The following PLCB1 variants were observed in gnomAD, a reference collection of about 807,000 sequenced individuals.
The protein encoded by PLCB1 is phospholipase C beta 1.
In PLCB1, 46 loss-of-function variants were observed where a neutral mutation model predicts 161.8. The observed-to-expected ratio is 0.28, with a 90% CI of 0.22 to 0.36. The LOEUF (loss-of-function observed/expected upper bound fraction) is 0.36. Among genes scored for constraint, PLCB1 ranks in the 10% least tolerant of loss-of-function variants. The probability of loss-of-function intolerance (pLI) is 1.00; values close to 1 mark genes in which losing one functional copy is unlikely to be tolerated. For missense variants in PLCB1, 1,016 were observed against 1,472.5 expected (o/e 0.69, Z 5.07); for synonymous variants, 517 against 503.7 (o/e 1.03, Z -0.35).
At chr20:8,662,579 CATA>C (rs910403167) in intron 9 of PLCB1, among the ~76,000 whole-genome samples, 3 of 142,588 alleles carry the variant, frequency 2.1e-5, no homozygotes, top group Non-Finnish European at 4.5e-5. Context: ...ATATTATTAA[CATA>C]ATATCTAAAT....
intron 31 of PLCB1, among the ~76,000 whole-genome samples, chr20:8,839,904 G>A (rs986106978): frequency 5.9e-5 from 9 of 151,964 alleles, no homozygotes; most frequent in Non-Finnish European, 4.4e-5. Context: ...GGTGGCACAT[G>A]CCTGTAGTCC....
chr20:8,703,016 AGG>A (rs1459978006), intron 11 of PLCB1, among the ~76,000 whole-genome samples: 3 of 152,132 alleles, frequency 2.0e-5, no homozygotes, highest in Non-Finnish European at 4.4e-5. Flanking sequence ...GGACAGAGAG[AGG>A]AGGGAGAAGG....
At chr20:8,265,273 A>T (rs763406310) in intron 2 of PLCB1, among the ~76,000 whole-genome samples, 4 of 152,152 alleles carry the variant, frequency 2.6e-5, no homozygotes, top group Non-Finnish European at 5.9e-5. Context: ...GAATGCATAT[A>T]AAAAAACACT....
At chr20:8,607,148 C>T (rs117891225) in intron 3 of PLCB1, among the ~76,000 whole-genome samples, 194 of 152,324 alleles carry the variant, frequency 1.3e-3, no homozygotes, top group Admixed American at 2.4e-3. Flanking sequence ...TCCCATTCCT[C>T]AGCCAGGCCT....
chr20:8,191,211 G>A (rs2123108978), intron 2 of PLCB1, among the ~76,000 whole-genome samples: 1 of 151,874 alleles, frequency 6.6e-6, no homozygotes, highest in South Asian at 2.1e-4. Flanking sequence ...TTTGATACGG[G>A]CATACAATGC....
intron 2 of PLCB1, among the ~76,000 whole-genome samples, chr20:8,276,799 G>A (rs1982567180): frequency 6.6e-6 from 1 of 151,866 alleles, no homozygotes; most frequent in African/African-American, 2.4e-5. Flanking sequence ...GTACTGTAAA[G>A]GATTCATATA....
chr20:8,647,816 G>A, intron 5 of PLCB1, 84 bp from the exon 6 acceptor site: 1 of 1,032,698 alleles, frequency 9.7e-7, no homozygotes, highest in Non-Finnish European at 1.5e-6. Context: ...CAAAGGCATG[G>A]GCTTTTTTGA....
intron 31 of PLCB1, among the ~76,000 whole-genome samples, chr20:8,793,915 G>A (rs1381326443): frequency 6.6e-6 from 1 of 152,074 alleles, no homozygotes; most frequent in African/African-American, 2.4e-5. Context: ...ATGCCCGGGG[G>A]GCCAGTTTAG....
chr20:8,369,462 G>A (rs972339350), intron 2 of PLCB1, among the ~76,000 whole-genome samples: 1 of 152,198 alleles, frequency 6.6e-6, no homozygotes, highest in East Asian at 1.9e-4. Flanking sequence ...ACATATGCTT[G>A]ACTTACTCAT....
chr20:8,568,848 C>T (rs183847607), intron 3 of PLCB1, among the ~76,000 whole-genome samples: 1 of 152,216 alleles, frequency 6.6e-6, no homozygotes, highest in East Asian at 1.9e-4. Context: ...TCAACAAGCA[C>T]CAGTACAGCG....
At chr20:8,577,731 GCCA>G (rs1986720362) in intron 3 of PLCB1, among the ~76,000 whole-genome samples, 1 of 152,084 alleles carries the variant, frequency 6.6e-6, no homozygotes, top group Non-Finnish European at 1.5e-5. Flanking sequence ...AATAAACCAT[GCCA>G]GTTCTCTTTT....
intron 11 of PLCB1, among the ~76,000 whole-genome samples, chr20:8,706,124 A>G (rs1978657056): frequency 1.3e-5 from 2 of 152,306 alleles, no homozygotes; most frequent in South Asian, 2.1e-4. Flanking sequence ...TCTGATTGCT[A>G]TTGTTTGGAA....
intron 10 of PLCB1, among the ~76,000 whole-genome samples, chr20:8,695,325 G>C (rs540005777): frequency 5.3e-5 from 8 of 152,304 alleles, no homozygotes; most frequent in African/African-American, 1.4e-4. Context: ...TGTCCTGTGT[G>C]TCTCCACGGG....
At chr20:8,367,592 C>T (rs1986753431) in intron 2 of PLCB1, among the ~76,000 whole-genome samples, 1 of 152,160 alleles carries the variant, frequency 6.6e-6, no homozygotes, top group Admixed American at 6.5e-5. Flanking sequence ...AAGGTCCTCA[C>T]TCAAACCCAA....
chr20:8,739,555 A>G (rs577791569), intron 21 of PLCB1, among the ~76,000 whole-genome samples, 195 bp downstream of exon 21: 2 of 152,356 alleles, frequency 1.3e-5, no homozygotes, highest in African/African-American at 4.8e-5. Context: ...TTCAACAATA[A>G]TTATGTGTAA....
intron 31 of PLCB1, among the ~76,000 whole-genome samples, chr20:8,831,908 CTTTCTCTTTCTT>C (rs1568616934): frequency 7.1e-4 from 51 of 72,036 alleles, no homozygotes; most frequent in African/African-American, 2.1e-3. Flanking sequence ...CCCTCTCTTT[CTTTCTCTTTCTT>C]TCTTTCTTTC....
intron 3 of PLCB1, among the ~76,000 whole-genome samples, chr20:8,538,064 C>A (rs530404857): frequency 6.6e-6 from 1 of 152,196 alleles, no homozygotes; most frequent in Admixed American, 6.5e-5. Context: ...TGATGAATAA[C>A]AAAATTCTTA....
intron 31 of PLCB1, among the ~76,000 whole-genome samples, chr20:8,859,851 A>G (rs1253740928): frequency 6.6e-6 from 1 of 152,174 alleles, no homozygotes; most frequent in East Asian, 1.9e-4. Context: ...AAAAAAAGAC[A>G]TAATATACTT....
chr20:8,453,649 G>A (rs2122655634), intron 3 of PLCB1, among the ~76,000 whole-genome samples: 1 of 152,278 alleles, frequency 6.6e-6, no homozygotes, highest in South Asian at 2.1e-4. Flanking sequence ...TGGAAGAATA[G>A]CAAAGGGTAA....
Sources: gnomAD v4.1 joint callset for allele counts (sites outside exome capture counted in the v4.1 genomes callset) on GRCh38, gnomAD v4.1.1 for gene constraint, MANE v1.5 for transcripts, NCBI Gene and HGNC (gene_info 2026-07-23, HGNC 2026-07-21) for gene names.